Variants in NGLY1 observed in about 807,000 individuals in gnomAD.
The protein encoded by NGLY1 is peptide-N(4)-(N-acetyl-beta-glucosaminyl)asparagine amidase.
A neutral mutation model predicts 84.6 loss-of-function variants in NGLY1; 68 were observed. That is an observed-to-expected ratio of 0.80 (90% CI 0.66 to 0.98). The LOEUF is 0.98. Ranked by LOEUF, NGLY1 falls within the 50% of genes least tolerant of loss-of-function variation. NGLY1 has a pLI of 0.00. For synonymous variants in NGLY1, 280 were observed against 275.2 expected (o/e 1.02, Z -0.17); for missense variants, 779 against 770.2 (o/e 1.01, Z -0.14).
At chr3:25,749,694 T>C (rs1217549577) in intron 4 of NGLY1, 4 of 1,583,456 alleles carry the variant, frequency 2.5e-6, no homozygotes, top group South Asian at 1.1e-5. Flanking sequence ...ACAAAGCACA[T>C]GCTGCCCAGT....
At chr3:25,720,813 C>A (rs1159791733) in intron 10 of NGLY1, among the ~76,000 whole-genome samples, 1 of 152,176 alleles carries the variant, frequency 6.6e-6, no homozygotes, top group African/African-American at 2.4e-5. Context: ...CTTTTATCTA[C>A]ACTCCTCAAA....
rs1704866696 is a variant in NGLY1 at position 25,719,492 on chromosome 3, A to G, written c.1933T>C (p.Leu645=). Residue 645 remains leucine, a synonymous_variant, in exon 12 of 12, where the codon TTG becomes CTG. Coordinates refer to ENST00000280700, the MANE Select transcript of NGLY1 (RefSeq NM_018297.4). ...TCACTGAATTTTATAATTATCTCCA[A>G]ACAATTTTCTTCATGGTCATTTAAG... ...QSLNDHEENC[L]EIIIKFSDL 2.5e-6 allele frequency: 4 copies of G among 1,613,758 alleles called. No individual in the cohort carries two copies. Among genetic ancestry groups the G allele is most frequent in the Non-Finnish European group, 3.4e-6 (4 of 1,179,872 alleles).
At chr3:25,747,570 A>G (rs1706502942) in intron 4 of NGLY1, among the ~76,000 whole-genome samples, 1 of 152,240 alleles carries the variant, frequency 6.6e-6, no homozygotes, top group South Asian at 2.1e-4. Flanking sequence ...AGGAAGAGAC[A>G]CATATAGTTA....
Position 25,722,274 on chromosome 3 carries a change from C to CACACATAT in NGLY1, c.1612-2084_1612-2083insATATGTGT, listed in dbSNP as rs145856271. 2.5e-3 allele frequency among the ~76,000 whole-genome samples: 371 copies of CACACATAT among 148,620 alleles called. 2 individuals are homozygous for CACACATAT. Among genetic ancestry groups the CACACATAT allele is most frequent in the East Asian group, 0.017 (86 of 5,020 alleles). ...ATATTATTAAAGATCTGTATACACA[C>CACACATAT]ATATATATATATATATATTCATGTT... On this transcript the variant is annotated intron_variant, in intron 10 of 11. Transcript: ENST00000280700.
intron 8 of NGLY1, among the ~76,000 whole-genome samples, chr3:25,733,466 CGTGTGTGTGTGTGTGTGT>C (rs60529800): frequency 4.1e-4 from 55 of 134,212 alleles, no homozygotes; most frequent in Middle Eastern, 7.9e-3. Flanking sequence ...CTCACATGGA[CGTGTGTGTGTGTGTGTGT>C]GTGTGTGTGT....
At chr3:25,742,395 T>C (rs752098737) in intron 4 of NGLY1, among the ~76,000 whole-genome samples, 2 of 152,176 alleles carry the variant, frequency 1.3e-5, no homozygotes, top group African/African-American at 2.4e-5. Flanking sequence ...GTCCAATACA[T>C]ATTTGTAAAT....
At chr3:25,757,293 G>A (rs1707090839) in intron 3 of NGLY1, among the ~76,000 whole-genome samples, 1 of 152,128 alleles carries the variant, frequency 6.6e-6, no homozygotes, top group Admixed American at 6.6e-5. Context: ...TCTCAGGGAG[G>A]AAGCAAGTCA....
At chr3:25,736,188 C>T (rs1193545610) in intron 6 of NGLY1, 39 bp from the exon 7 acceptor site, 1 of 1,599,610 alleles carries the variant, frequency 6.3e-7, no homozygotes, top group Admixed American at 1.7e-5. Context: ...GGAAAAAAGA[C>T]AATGAAATCA....
exon 1 of NGLY1, chr3:25,790,025 C>A (rs1350541189): frequency 1.1e-6 from 1 of 870,720 alleles, no homozygotes; most frequent in African/African-American, 1.7e-5. Flanking sequence ...GAACGGGACG[C>A]GTGCGTGGGA....
intron 1 of NGLY1, among the ~76,000 whole-genome samples, chr3:25,778,922 A>C (rs1322962533): frequency 9.8e-6 from 1 of 101,880 alleles, no homozygotes; most frequent in Admixed American, 1.1e-4. Context: ...TTTAAGATAC[A>C]TTCTTTTTTT....
At position 25,733,762 on chromosome 3, in the gene NGLY1, T is replaced by C. The variant is rs1488992; in HGVS notation, c.1260+110A>G. On this transcript the variant is annotated intron_variant, in intron 8 of 11. Coordinates refer to ENST00000280700, the MANE Select transcript of NGLY1 (RefSeq NM_018297.4). ...CAAAAAGAATATTAAAATATTCTTG[T>C]TTATAAAACAATGCTACTACTTTAA... 0.79 allele frequency: 395,064 copies of C among 497,664 alleles called. 160,470 individuals carry two copies. The highest frequency in any genetic ancestry group is 0.93 in the East Asian group (27,305 of 29,376). 30.8% of individuals were successfully genotyped at this position (497,664 alleles called of 1,614,324 possible). A position where few individuals can be genotyped will look rare whatever the true frequency, so the allele number is the denominator to read the frequency against.
chr3:25,746,175 T>C (rs1706417321), intron 4 of NGLY1, among the ~76,000 whole-genome samples: 1 of 152,194 alleles, frequency 6.6e-6, no homozygotes, highest in African/African-American at 2.4e-5. Context: ...GTATTATTCA[T>C]TGTTCCCAAA....
rs370745245 is a variant in NGLY1, at chr3:25,743,050, G to A, written c.659-3251C>T. Among the ~76,000 whole-genome samples, 8 of 152,174 alleles carry A rather than the reference G, an allele frequency of 5.3e-5. No homozygotes were observed. The East Asian group carries it at 1.4e-3, about 26-fold the overall frequency. ...CACACAGAGAAGGCAATGTGAAGAT[G>A]GGACAGAGAGAGATTTGAAGATGCT... On this transcript the variant is annotated intron_variant, in intron 4 of 11. Transcript: ENST00000280700.
At chr3:25,745,431 AG>A (rs1706371938) in intron 4 of NGLY1, among the ~76,000 whole-genome samples, 1 of 152,170 alleles carries the variant, frequency 6.6e-6, no homozygotes, top group African/African-American at 2.4e-5. Flanking sequence ...TCGAATTTCC[AG>A]GCCTATGTTT....
At chr3:25,767,065 G>A (rs570498328) in intron 2 of NGLY1, among the ~76,000 whole-genome samples, 10 of 151,982 alleles carry the variant, frequency 6.6e-5, no homozygotes, top group Middle Eastern at 3.4e-3. Context: ...AGACCGAGGC[G>A]GGCAAATCAC....
At chr3:25,785,911 T>C (rs1166414480), upstream of NGLY1, among the ~76,000 whole-genome samples, 1 of 152,216 alleles carries the variant, frequency 6.6e-6, no homozygotes, top group African/African-American at 2.4e-5. Flanking sequence ...AAGTTATCAT[T>C]AGTTTTGTCT....
At chr3:25,788,771 A>C (rs1708657893) in intron 1 of NGLY1, among the ~76,000 whole-genome samples, 1 of 152,230 alleles carries the variant, frequency 6.6e-6, no homozygotes, top group Non-Finnish European at 1.5e-5. Flanking sequence ...TTCTTCAAGA[A>C]ACTCTACTTT....
intron 2 of NGLY1, chr3:25,778,318 G>A: frequency 3.7e-6 from 1 of 270,312 alleles, no homozygotes; most frequent in Non-Finnish European, 7.0e-6. Flanking sequence ...TGGTCCTTGG[G>A]TTGCATGTAT....
rs149511129 is a variant in NGLY1 at position 25,757,930 on chromosome 3, A to T, written c.492+6136T>A. 4.4e-3 allele frequency among the ~76,000 whole-genome samples: 665 copies of T among 152,344 alleles called. 3 individuals carry two copies. The highest frequency in any genetic ancestry group is 0.015 in the African/African-American group (619 of 41,574). On this transcript the variant is annotated intron_variant, in intron 3 of 11. Transcript: ENST00000280700. Reference sequence around the variant, plus strand: ...GGTTAACAGTGGCACCCGCACTCCTACTTCTGCAGCTGTCATGTGACAAAG... The same window carrying T: ...GGTTAACAGTGGCACCCGCACTCCTTCTTCTGCAGCTGTCATGTGACAAAG...
Sources: allele counts gnomAD v4.1 joint callset (sites outside exome capture counted in the v4.1 genomes callset), GRCh38; gene constraint gnomAD v4.1.1; transcripts MANE v1.5; gene names NCBI Gene and HGNC (gene_info 2026-07-23, HGNC 2026-07-21).